Variants in FAM47E observed in about 807,000 individuals in gnomAD.
FAM47E encodes the protein family with sequence similarity 47 member E.
FAM47E carries 32 observed loss-of-function variants against 41.6 expected under a neutral mutation model. The ratio of observed to expected loss-of-function variants is 0.77; its 90% confidence interval spans 0.58 to 1.03. The LOEUF (loss-of-function observed/expected upper bound fraction) is 1.03, where lower values mean the gene tolerates loss of function less well. Ranked by LOEUF, FAM47E falls within the 50% of genes least tolerant of loss-of-function variation. The probability of loss-of-function intolerance (pLI) is 0.00; values close to 1 mark genes in which losing one functional copy is unlikely to be tolerated. For missense variants in FAM47E, 424 were observed against 485.4 expected, an observed-to-expected ratio of 0.87 and a Z score of 1.19; for synonymous variants, 184 against 188.7, an observed-to-expected ratio of 0.98 and a Z score of 0.20.
intron 2 of FAM47E, among the ~76,000 whole-genome samples, chr4:76,259,683 A>G (rs1004633365): frequency 3.3e-5 from 5 of 152,210 alleles, no homozygotes; most frequent in African/African-American, 1.2e-4. Flanking sequence ...AGAGTTATCA[A>G]TAAAAATTTT....
intron 2 of FAM47E, among the ~76,000 whole-genome samples, chr4:76,240,771 C>G (rs1348043709): frequency 6.6e-6 from 1 of 152,078 alleles, no homozygotes; most frequent in Non-Finnish European, 1.5e-5. Context: ...GGTTTTCTCT[C>G]TCTTTATTGA....
intron 5 of FAM47E, among the ~76,000 whole-genome samples, chr4:76,274,597 T>C (rs1419196025): frequency 6.6e-6 from 1 of 152,122 alleles, no homozygotes; most frequent in African/African-American, 2.4e-5. Flanking sequence ...AAAAAATTTG[T>C]TGGGAAAGAC....
chr4:76,214,462 T>C (rs991636636), intron 1 of FAM47E: 9 of 367,564 alleles, frequency 2.4e-5, no homozygotes, highest in African/African-American at 4.3e-5. Context: ...GCAAAACCTG[T>C]AGGAAGCAAG....
chr4:76,265,820 A>T (rs1244325333), intron 3 of FAM47E, among the ~76,000 whole-genome samples: 3 of 152,220 alleles, frequency 2.0e-5, no homozygotes, highest in Admixed American at 6.5e-5. Flanking sequence ...CATATATCTG[A>T]TGAACCTCCG....
At chr4:76,238,490 C>T (rs1418691842) in intron 2 of FAM47E, among the ~76,000 whole-genome samples, 3 of 152,276 alleles carry the variant, frequency 2.0e-5, no homozygotes, top group African/African-American at 7.2e-5. Context: ...TTATCTTTAG[C>T]ACAGGAACTA....
At chr4:76,217,410 T>C (rs1733226896) in intron 1 of FAM47E, among the ~76,000 whole-genome samples, 1 of 152,134 alleles carries the variant, frequency 6.6e-6, no homozygotes, top group Admixed American at 6.5e-5. Context: ...ATGGGAGGTG[T>C]TTGGGTCCTG....
rs1560750365 is a variant in FAM47E, at chr4:76,271,657, G to A, written c.759G>A (p.Met253Ile). The A allele has an allele frequency of 6.4e-7, 1 of 1,552,180 alleles. No homozygotes were observed. The highest frequency in any genetic ancestry group is 2.4e-5 in the East Asian group (1 of 40,930). Reference sequence around the variant, plus strand: ...CAAGCCATGATGCGCTCCACACGATGAAGCTAAATCAGGTTCCTCTGGAGC... The same window carrying A: ...CAAGCCATGATGCGCTCCACACGATAAAGCTAAATCAGGTTCCTCTGGAGC... ...TKPSHDALHT[M>I]KLNQVPLELK... Residue 253 changes from methionine to isoleucine, a missense_variant, in exon 5 of 8, where the codon ATG becomes ATA. Transcript: ENST00000424749.
At chr4:76,276,562 G>C (rs897079143) in intron 5 of FAM47E, among the ~76,000 whole-genome samples, 1 of 147,814 alleles carries the variant, frequency 6.8e-6, no homozygotes, top group Non-Finnish European at 1.5e-5. Context: ...AGTAGAGACA[G>C]GGTTTCACCA....
chr4:76,221,509 G>A (rs563278970), intron 2 of FAM47E, among the ~76,000 whole-genome samples: 9 of 152,116 alleles, frequency 5.9e-5, no homozygotes, highest in African/African-American at 1.7e-4. Context: ...TAGCAGAGAC[G>A]GGATTTCATC....
At chr4:76,265,971 A>T (rs1734616634) in intron 3 of FAM47E, among the ~76,000 whole-genome samples, 1 of 152,186 alleles carries the variant, frequency 6.6e-6, no homozygotes, top group African/African-American at 2.4e-5. Context: ...CCAAACAACA[A>T]TCAGGCTCTT....
intron 1 of FAM47E, chr4:76,214,438 T>C (rs1357399590): frequency 2.5e-6 from 1 of 396,612 alleles, no homozygotes; most frequent in Non-Finnish European, 5.0e-6. Context: ...AGCAAAGGCA[T>C]TGGGGGTGAA....
At chr4:76,270,627 G>C (rs942666934) in intron 4 of FAM47E, among the ~76,000 whole-genome samples, 3 of 152,168 alleles carry the variant, frequency 2.0e-5, no homozygotes, top group African/African-American at 7.2e-5. Flanking sequence ...GCTGCTGGAG[G>C]CGATTCGTCT....
intron 2 of FAM47E, among the ~76,000 whole-genome samples, chr4:76,219,552 T>C (rs181127946): frequency 1.3e-5 from 2 of 152,250 alleles, no homozygotes; most frequent in East Asian, 3.9e-4. Flanking sequence ...TCTTTAATGA[T>C]GTGTTCCATG....
At chr4:76,251,553 C>T, upstream of FAM47E, 5 of 1,160,250 alleles carry the variant, frequency 4.3e-6, no homozygotes, top group Non-Finnish European at 5.6e-6. Flanking sequence ...GACCGGTACC[C>T]TCTCCCTTCC....
At chr4:76,244,533 CTTTTTTTTTTTT>C (rs71212407) in intron 2 of FAM47E, among the ~76,000 whole-genome samples, 1 of 66,054 alleles carries the variant, frequency 1.5e-5, no homozygotes, top group Non-Finnish European at 2.7e-5. Flanking sequence ...AGGCATTCTT[CTTTTTTTTTTTT>C]TTTTTTTTTT....
chr4:76,221,508 C>T (rs1289429204), intron 2 of FAM47E, among the ~76,000 whole-genome samples: 9 of 152,030 alleles, frequency 5.9e-5, no homozygotes, highest in Admixed American at 2.6e-4. Context: ...TTAGCAGAGA[C>T]GGGATTTCAT....
At position 76,228,458 on chromosome 4, in the gene FAM47E, G is replaced by A. The variant is rs536478529; in HGVS notation, c.81+10770G>A. Among the ~76,000 whole-genome samples, 363 of 150,968 alleles carry A rather than the reference G, an allele frequency of 2.4e-3. 2 individuals carry two copies. Among genetic ancestry groups the A allele is most frequent in the African/African-American group, 8.2e-3 (338 of 41,176 alleles). On this transcript the variant is annotated intron_variant, in intron 2 of 7. Coordinates refer to the FAM47E transcript ENST00000510197. Reference sequence around the variant, plus strand: ...TGTGCCACTGCACTCCAGCCTGGGCGATGGAGTAAGCCTCCATCTTAAAAA... The same window carrying A: ...TGTGCCACTGCACTCCAGCCTGGGCAATGGAGTAAGCCTCCATCTTAAAAA...
Position 76,256,418 on chromosome 4 carries a change from G to A in FAM47E, c.315G>A (p.Ser105=), listed in dbSNP as rs560855508. 22 of 1,552,326 alleles carry A rather than the reference G, an allele frequency of 1.4e-5. No homozygotes were observed. The East Asian group carries it at 2.2e-4, about 16-fold the overall frequency. Residue 105 remains serine, a synonymous_variant, in exon 2 of 8, where the codon TCG becomes TCA. Transcript: ENST00000424749. ...AAGCAGACGTGCTTTCCAAGCTCTC[G>A]CCAGCCCAGCAGGCTCGGAAGGCAT... ...LKEADVLSKL[S]PAQQARKAFL... is the part of the protein sequence containing the mutation.
intron 2 of FAM47E, among the ~76,000 whole-genome samples, chr4:76,237,642 C>T (rs1733616768): frequency 1.3e-5 from 2 of 152,074 alleles, no homozygotes; most frequent in Admixed American, 6.5e-5. Context: ...TTTAATGGCT[C>T]ATGGTTCCAC....
Sources: allele counts gnomAD v4.1 joint callset (sites outside exome capture counted in the v4.1 genomes callset), GRCh38; gene constraint gnomAD v4.1.1; transcripts MANE v1.5; gene names NCBI Gene and HGNC (gene_info 2026-07-23, HGNC 2026-07-21).